Variants in SYT13 observed in about 807,000 individuals in gnomAD.
SYT13 encodes the protein synaptotagmin 13.
In SYT13, 21 loss-of-function variants were observed where a neutral mutation model predicts 38.6. The observed-to-expected ratio is 0.54, with a 90% CI of 0.39 to 0.78. The LOEUF (loss-of-function observed/expected upper bound fraction) is 0.78, where lower values mean the gene tolerates loss of function less well. Ranked by LOEUF, SYT13 falls within the 30% of genes least tolerant of loss-of-function variation. The probability of loss-of-function intolerance (pLI) is 0.00; values close to 1 mark genes in which losing one functional copy is unlikely to be tolerated. For missense variants in SYT13, 495 were observed against 548.7 expected (o/e 0.90, Z 0.98); for synonymous variants, 241 against 237.6 (o/e 1.01, Z -0.13).
intron 1 of SYT13, among the ~76,000 whole-genome samples, chr11:45,262,573 A>G (rs1590519686): frequency 1.3e-5 from 2 of 152,076 alleles, no homozygotes; most frequent in African/African-American, 2.4e-5. Context: ...AAAAAATACA[A>G]AAATTATTTG....
chr11:45,262,703 G>A (rs1246638488), intron 1 of SYT13, among the ~76,000 whole-genome samples: 1 of 142,274 alleles, frequency 7.0e-6, no homozygotes, highest in Non-Finnish European at 1.5e-5. Flanking sequence ...TCCAGCCTGG[G>A]CAAAGAGGGA....
At chr11:45,246,990 T>G (rs1031597622) in intron 4 of SYT13, among the ~76,000 whole-genome samples, 5 of 152,124 alleles carry the variant, frequency 3.3e-5, no homozygotes, top group Non-Finnish European at 5.9e-5. Context: ...GATAGTTCTT[T>G]CCAGCTCCAG....
intron 2 of SYT13, chr11:45,254,727 C>T (rs141478133): frequency 7.7e-4 from 169 of 220,858 alleles, no homozygotes; most frequent in African/African-American, 3.5e-3. Context: ...CTCTTCTTCC[C>T]ATATCTTCCC....
intron 1 of SYT13, among the ~76,000 whole-genome samples, chr11:45,265,253 G>A (rs1225042727): frequency 1.3e-5 from 2 of 152,254 alleles, no homozygotes; most frequent in Admixed American, 6.5e-5. Flanking sequence ...CATACATACT[G>A]CATGATTCCA....
In SYT13 at chr11:45,255,854, C is replaced by T. The variant is rs755457486; in HGVS notation, c.221G>A (p.Arg74His). 1.5e-5 allele frequency: 24 copies of T among 1,614,026 alleles called. 1 individual carries two copies. The highest frequency in any genetic ancestry group is 3.3e-4 in the Middle Eastern group (2 of 6,084). Residue 74 changes from arginine (R) to histidine (H), a missense_variant, in exon 2 of 6, where the codon CGT (arginine) becomes CAT (histidine). Coordinates refer to ENST00000020926, the MANE Select transcript of SYT13 (RefSeq NM_020826.3). ...GATGTCTGGGAACTTGAGGAGGGCA[C>T]GGGGCTGAACAGGTTCCGTGGACTT... ...VKKSTEPVQPRALLKFPDIYG... is the reference protein window; with the variant it reads ...VKKSTEPVQPHALLKFPDIYG...
At chr11:45,281,666 C>CAAAA (rs747673327) in intron 1 of SYT13, among the ~76,000 whole-genome samples, 1 of 112,112 alleles carries the variant, frequency 8.9e-6, no homozygotes, top group Non-Finnish European at 1.9e-5. Context: ...GACTCTGCCT[C>CAAAA]AAAAAAAAAA....
chr11:45,264,001 C>A (rs1276429455), intron 1 of SYT13, among the ~76,000 whole-genome samples: 1 of 152,170 alleles, frequency 6.6e-6, no homozygotes, highest in Non-Finnish European at 1.5e-5. Context: ...ATTTATGTGA[C>A]CCTAGGGTCT....
chr11:45,259,327 A>G (rs912529821), intron 1 of SYT13, among the ~76,000 whole-genome samples: 10 of 152,144 alleles, frequency 6.6e-5, no homozygotes, highest in Admixed American at 3.3e-4. Context: ...TCCCAATTCA[A>G]TCGTCTGAGA....
chr11:45,273,920 C>G (rs973924792), intron 1 of SYT13, among the ~76,000 whole-genome samples: 1 of 152,152 alleles, frequency 6.6e-6, no homozygotes, highest in Non-Finnish European at 1.5e-5. Flanking sequence ...ATCCTTTGAT[C>G]AAAGGCAAGT....
intron 1 of SYT13, among the ~76,000 whole-genome samples, chr11:45,281,227 T>G (rs1432618889): frequency 2.0e-5 from 3 of 152,008 alleles, no homozygotes; most frequent in Admixed American, 2.0e-4. Context: ...AATTCAGCAC[T>G]TATTTATATT....
rs368007869 is a variant in SYT13, at chr11:45,283,698, C to T, written c.183+2327G>A. Among the ~76,000 whole-genome samples, 28 of 152,342 alleles carry T rather than the reference C, an allele frequency of 1.8e-4. No homozygotes were observed. The East Asian group carries it at 3.3e-3, about 18-fold the overall frequency. ...TAAGGGAATGTGGATGGGCAGGTAT[C>T]ATGTATCAACAAATATTTATTGTGC... On this transcript the variant is annotated intron_variant, in intron 1 of 5. Transcript: ENST00000020926.
intron 1 of SYT13, among the ~76,000 whole-genome samples, chr11:45,263,203 C>A (rs1854840960): frequency 6.6e-6 from 1 of 152,186 alleles, no homozygotes; most frequent in Non-Finnish European, 1.5e-5. Flanking sequence ...TACTGAGCCC[C>A]ACTACAGGCC....
intron 1 of SYT13, among the ~76,000 whole-genome samples, chr11:45,256,453 A>G (rs910517343): frequency 6.6e-6 from 1 of 151,814 alleles, no homozygotes; most frequent in Non-Finnish European, 1.5e-5. Flanking sequence ...TTTCCTCCCA[A>G]ACTGTCCACC....
In SYT13 at chr11:45,246,425, T is replaced by C. The variant is rs754987811; in HGVS notation, c.934A>G (p.Lys312Glu). ...NRLLVVLIKAKNLHSNQSKEL... is the reference protein window; with the variant it reads ...NRLLVVLIKAENLHSNQSKEL... ...TTGGACTGGTTAGAGTGGAGGTTCT[T>C]GGCTTTAATCAGCACCACCAGGAGG... is the stretch of plus-strand genomic sequence containing the variant. Residue 312 changes from lysine (K) to glutamate (E), a missense_variant, in exon 5 of 6, where the codon AAG (lysine) becomes GAG (glutamate). Lys to Glu is a moderately conservative substitution (Grantham distance 56). Coordinates refer to ENST00000020926, the MANE Select transcript of SYT13 (RefSeq NM_020826.3). 6.2e-7 allele frequency: 1 copy of C among 1,614,096 alleles called. No individual in the cohort carries two copies. The highest frequency in any genetic ancestry group is 1.1e-5 in the South Asian group (1 of 91,070).
rs117899850 is a variant in SYT13, at chr11:45,258,847, G to A, written c.184-2956C>T. Among the ~76,000 whole-genome samples, 782 of 152,196 alleles carry A rather than the reference G, an allele frequency of 5.1e-3. 1 individual carries two copies. The highest frequency in any genetic ancestry group is 8.4e-3 in the Non-Finnish European group (569 of 67,996). On this transcript the variant is annotated intron_variant, in intron 1 of 5. Transcript: ENST00000020926. ...GGTCCTTGGAGGAGACACACAGAGC[G>A]ATGACTAATGTCCCCGTCTTTCTAC...
intron 2 of SYT13, chr11:45,254,661 T>C: frequency 2.6e-6 from 1 of 386,704 alleles, no homozygotes; most frequent in South Asian, 7.2e-5. Flanking sequence ...TCTCCCTGCT[T>C]TATGTTTTGT....
At chr11:45,249,198 T>G (rs1424112636) in intron 4 of SYT13, among the ~76,000 whole-genome samples, 2 of 152,270 alleles carry the variant, frequency 1.3e-5, no homozygotes, top group South Asian at 2.1e-4. Context: ...AAAACCACAA[T>G]GAGATACCAT....
rs1314318167 is a variant in SYT13 at position 45,242,224 on chromosome 11, A to G, written c.*1828T>C. 23 of 152,206 alleles carry G rather than the reference A, an allele frequency of 1.5e-4. No homozygotes were observed. The highest frequency in any genetic ancestry group is 1.4e-3 in the Admixed American group (21 of 15,282). The allele number at this position is 152,206 out of a possible 1,614,324, so 9.4% of individuals were successfully genotyped here. A position where few individuals can be genotyped will look rare whatever the true frequency, so the allele number is the denominator to read the frequency against. ...CCAAAGGCAGAATCCATGGTTCTGG[A>G]AATGCCACGATGCTTCTGGCACTTT... is the stretch of plus-strand genomic sequence containing the variant. On this transcript the variant is annotated 3_prime_UTR_variant, in exon 6 of 6. Coordinates refer to ENST00000020926, the MANE Select transcript of SYT13 (RefSeq NM_020826.3).
chr11:45,275,185 C>T (rs1854996039), intron 1 of SYT13, among the ~76,000 whole-genome samples: 1 of 152,196 alleles, frequency 6.6e-6, no homozygotes, highest in Non-Finnish European at 1.5e-5. Flanking sequence ...AGTCATTCAA[C>T]ATGTCTCCTC....
Sources: gnomAD v4.1 joint callset for allele counts (sites outside exome capture counted in the v4.1 genomes callset) on GRCh38, gnomAD v4.1.1 for gene constraint, MANE v1.5 for transcripts, NCBI Gene and HGNC (gene_info 2026-07-23, HGNC 2026-07-21) for gene names.